Variants in BCAS3 observed in about 807,000 individuals in gnomAD.
The protein encoded by BCAS3 is BCAS4/BCAS3 fusion.
In BCAS3, 53 loss-of-function variants were observed where a neutral mutation model predicts 116.1. That is an observed-to-expected ratio of 0.46 (90% confidence interval 0.37 to 0.57). The LOEUF (loss-of-function observed/expected upper bound fraction) is 0.57. BCAS3 is among the 20% of genes least tolerant of loss of function. The pLI, the probability that BCAS3 is intolerant of heterozygous loss-of-function variation, is 0.00. For missense variants in BCAS3, 917 were observed against 1,165.4 expected, an observed-to-expected ratio of 0.79 and a Z score of 3.10; for synonymous variants, 391 against 408.2, an observed-to-expected ratio of 0.96 and a Z score of 0.51.
Position 61,065,269 on chromosome 17 carries a change from T to C in BCAS3, c.2030-9651T>C, listed in dbSNP as rs2070490532. On this transcript the variant is annotated intron_variant, in intron 19 of 23. Transcript: ENST00000407086. This position sits in a 1 kb window ranked among gnomAD's most constrained non-coding sequence, Gnocchi z 4.8. ...GTTCATTTTGCTTTTGGATTATTTG[T>C]CTTCTGAACCTTTGTTTTAAAATGG... 6.6e-6 allele frequency among the ~76,000 whole-genome samples: 1 copy of C among 152,198 alleles called. No individual in the cohort carries two copies. The highest frequency in any genetic ancestry group is 6.5e-5 in the Admixed American group (1 of 15,270).
intron 22 of BCAS3, among the ~76,000 whole-genome samples, chr17:61,257,352 C>T (rs946910218): frequency 1.5e-5 from 2 of 133,678 alleles, no homozygotes; most frequent in Non-Finnish European, 3.1e-5. Context: ...ACCTGGGAGG[C>T]GGAGGTTGCA....
intron 7 of BCAS3, among the ~76,000 whole-genome samples, chr17:60,867,697 G>A (rs962465807): frequency 2.0e-5 from 3 of 151,940 alleles, no homozygotes; most frequent in Admixed American, 6.6e-5. Flanking sequence ...GCACAGATTG[G>A]TATTTTTTGC....
At chr17:60,784,209 G>A (rs950583758) in intron 6 of BCAS3, among the ~76,000 whole-genome samples, 1 of 149,960 alleles carries the variant, frequency 6.7e-6, no homozygotes, top group African/African-American at 2.5e-5. Context: ...GAAAGAAAGG[G>A]TCTATATGTA....
At chr17:60,910,860 AC>A (rs1266968711) in intron 12 of BCAS3, among the ~76,000 whole-genome samples, 158 bp downstream of exon 12, 1 of 152,158 alleles carries the variant, frequency 6.6e-6, no homozygotes, top group Non-Finnish European at 1.5e-5. Flanking sequence ...ATGATTAGTA[AC>A]ATGTTAGAAC....
chr17:60,994,856 A>G lies in BCAS3; in HGVS notation c.1486+4621A>G, dbSNP rs1374443701. On this transcript the variant is annotated intron_variant, in intron 15 of 23. Coordinates refer to ENST00000407086, the MANE Select transcript of BCAS3 (RefSeq NM_017679.5). The surrounding 1 kb of genome is among the most constrained non-coding windows in gnomAD (Gnocchi z 4.4). ...GTATTGGTATGCTCTGCATACTTTTATCATATTATAATATGCAGGTTATTC... is the reference window on the plus strand; with the variant it reads ...GTATTGGTATGCTCTGCATACTTTTGTCATATTATAATATGCAGGTTATTC... 1.3e-5 allele frequency among the ~76,000 whole-genome samples: 2 copies of G among 152,166 alleles called. No homozygotes were observed. The highest frequency in any genetic ancestry group is 2.9e-5 in the Non-Finnish European group (2 of 68,024).
At chr17:60,892,132 A>C (rs1021457106) in intron 10 of BCAS3, among the ~76,000 whole-genome samples, 2 of 152,168 alleles carry the variant, frequency 1.3e-5, no homozygotes, top group African/African-American at 4.8e-5. Flanking sequence ...TGTCCTTTTT[A>C]AATTAATGAT....
At chr17:60,692,932 A>G (rs1318943899) in intron 4 of BCAS3, among the ~76,000 whole-genome samples, 2 of 151,930 alleles carry the variant, frequency 1.3e-5, no homozygotes, top group Non-Finnish European at 2.9e-5. Flanking sequence ...CATGTCACCA[A>G]ACTGAAACTA....
In BCAS3 at chr17:61,366,498, A is replaced by C. The variant is rs1323341962; in HGVS notation, c.2426-1829A>C. Among the ~76,000 whole-genome samples, 7 of 152,188 alleles carry C rather than the reference A, an allele frequency of 4.6e-5. No individual in the cohort carries two copies. The highest frequency in any genetic ancestry group is 2.9e-5 in the Non-Finnish European group (2 of 68,030). ...GCTAGGCACCTGGGAGTTGTTGCCA[A>C]GGGTGGTTGAGTGTTGGCTCTGAGC... On this transcript the variant is annotated intron_variant, in intron 22 of 23. Transcript: ENST00000407086. The surrounding 1 kb of genome is among the most constrained non-coding windows in gnomAD (Gnocchi z 4.5).
chr17:61,096,524 T>C (rs1000380134), intron 22 of BCAS3, among the ~76,000 whole-genome samples: 2 of 152,206 alleles, frequency 1.3e-5, no homozygotes, highest in Admixed American at 6.5e-5. Context: ...ATCACTGCAC[T>C]CTAGCCTGGG....
rs925988669 is a variant in BCAS3 at position 61,034,042 on chromosome 17, C to T, written c.1638-624C>T. Among the ~76,000 whole-genome samples, 6 of 152,062 alleles carry T rather than the reference C, an allele frequency of 3.9e-5. No individual in the cohort carries two copies. The highest frequency in any genetic ancestry group is 7.2e-5 in the African/African-American group (3 of 41,408). On this transcript the variant is annotated intron_variant, in intron 16 of 23. Transcript: ENST00000407086. The surrounding 1 kb of genome is among the most constrained non-coding windows in gnomAD (Gnocchi z 5.0). ...AATAGACACATCATTTTCACAAATC[C>T]GAGAAGAAAAAGAGACAACAGGAAG...
chr17:60,946,320 T>G (rs765165139), intron 13 of BCAS3, among the ~76,000 whole-genome samples: 1 of 152,192 alleles, frequency 6.6e-6, no homozygotes, highest in Admixed American at 6.5e-5. Flanking sequence ...TATACAAATA[T>G]TAAAATGATG....
intron 22 of BCAS3, chr17:61,086,800 T>C (rs2073126917): frequency 2.2e-5 from 22 of 985,288 alleles, no homozygotes; most frequent in Non-Finnish European, 2.5e-5. Flanking sequence ...AGAAGCCTCA[T>C]AGATAAGGAA....
intron 22 of BCAS3, among the ~76,000 whole-genome samples, chr17:61,303,982 ATTTT>A (rs2053645146): frequency 6.6e-6 from 1 of 152,078 alleles, no homozygotes; most frequent in South Asian, 2.1e-4. Flanking sequence ...ATTTGTCATT[ATTTT>A]CTGAATCCCA....
At chr17:60,778,568 T>A (rs536992460) in intron 6 of BCAS3, among the ~76,000 whole-genome samples, 1 of 152,350 alleles carries the variant, frequency 6.6e-6, no homozygotes, top group African/African-American at 2.4e-5. Context: ...ATGGTCTTTT[T>A]AAATTCTCAT....
chr17:60,760,388 GT>G (rs2043407998), intron 6 of BCAS3, among the ~76,000 whole-genome samples: 1 of 144,726 alleles, frequency 6.9e-6, no homozygotes, highest in Admixed American at 6.6e-5. Flanking sequence ...GCCTAGTCTA[GT>G]GGTGATGAAT....
rs566214430 is a variant in BCAS3 at position 61,328,570 on chromosome 17, C to G, written c.2426-39757C>G. ...TCACTTGAGCCCAGGAGTTCAAGAC[C>G]AGCCTGGCAACATGGCGAAACTCCG... On this transcript the variant is annotated intron_variant, in intron 22 of 23. Transcript: ENST00000407086. 4.1e-4 allele frequency among the ~76,000 whole-genome samples: 63 copies of G among 152,244 alleles called. 2 individuals carry two copies. The South Asian group carries it at 0.011, about 27-fold the overall frequency.
At chr17:60,739,866 C>G (rs1261171892) in intron 5 of BCAS3, among the ~76,000 whole-genome samples, 2 of 148,956 alleles carry the variant, frequency 1.3e-5, no homozygotes, top group Non-Finnish European at 2.9e-5. Context: ...TTAGAGGTTG[C>G]TGTTTTTTTT....
At chr17:61,164,252 C>A (rs2078348713) in intron 22 of BCAS3, among the ~76,000 whole-genome samples, 1 of 151,920 alleles carries the variant, frequency 6.6e-6, no homozygotes, top group South Asian at 2.1e-4. Context: ...ATACTATGTT[C>A]AGGGTAGTTT....
chr17:61,175,726 C>T (rs1002300652), intron 22 of BCAS3, among the ~76,000 whole-genome samples: 29 of 152,170 alleles, frequency 1.9e-4, no homozygotes, highest in Non-Finnish European at 3.1e-4. Flanking sequence ...GGAAGCTACA[C>T]ATTGGTAGAA....
Sources: gnomAD v4.1 joint callset for allele counts (sites outside exome capture counted in the v4.1 genomes callset) on GRCh38, gnomAD v4.1.1 for gene constraint, Gnocchi (gnomAD v3.1) non-coding constraint, MANE v1.5 for transcripts, NCBI Gene and HGNC (gene_info 2026-07-23, HGNC 2026-07-21) for gene names.